The following ELMO1 variants were observed in gnomAD, a reference collection of about 807,000 sequenced individuals.
ELMO1 encodes engulfment and cell motility protein 1.
A neutral mutation model predicts 98.9 loss-of-function variants in ELMO1; 26 were observed. The ratio of observed to expected loss-of-function variants is 0.26; its 90% CI spans 0.19 to 0.36. The LOEUF (loss-of-function observed/expected upper bound fraction) is 0.36. Among genes scored for constraint, ELMO1 ranks in the 10% least tolerant of loss-of-function variants. The pLI is 1.00. For missense variants in ELMO1, 627 were observed against 935.2 expected (o/e 0.67, Z 4.30); for synonymous variants, 346 against 346.0 (o/e 1.00, Z 0.00).
intron 21 of ELMO1, among the ~76,000 whole-genome samples, chr7:36,857,762 C>T (rs1414724434): frequency 2.6e-5 from 4 of 152,178 alleles, no homozygotes; most frequent in Non-Finnish European, 4.4e-5. Context: ...ACCACTGCAT[C>T]GTGGTGTGCA....
At chr7:36,987,960 G>A (rs1791627786) in intron 16 of ELMO1, among the ~76,000 whole-genome samples, 1 of 152,328 alleles carries the variant, frequency 6.6e-6, no homozygotes, top group African/African-American at 2.4e-5. Flanking sequence ...GTTTCACCAT[G>A]TTGGACAGGC....
chr7:37,314,792 C>T (rs1799068545), intron 4 of ELMO1, 58 bp downstream of exon 4: 1 of 1,516,058 alleles, frequency 6.6e-7, no homozygotes, highest in Non-Finnish European at 9.1e-7. Flanking sequence ...AAGAAAACAT[C>T]ATCATGATTT....
intron 20 of ELMO1, among the ~76,000 whole-genome samples, chr7:36,862,869 G>A (rs1391496672): frequency 6.6e-6 from 1 of 152,144 alleles, no homozygotes; most frequent in East Asian, 1.9e-4. Flanking sequence ...CTTAATATCT[G>A]TTAGAGGGTT....
chr7:36,876,332 A>G (rs1584289673), intron 19 of ELMO1, among the ~76,000 whole-genome samples: 1 of 151,370 alleles, frequency 6.6e-6, no homozygotes, highest in South Asian at 2.1e-4. Flanking sequence ...TTTTCTTGTA[A>G]TCGAGGGTCC....
chr7:36,883,348 G>T (rs1252342334), intron 18 of ELMO1, among the ~76,000 whole-genome samples: 1 of 152,200 alleles, frequency 6.6e-6, no homozygotes, highest in African/African-American at 2.4e-5. Flanking sequence ...AAATACAAGA[G>T]AAGTAGGGGG....
intron 2 of ELMO1, among the ~76,000 whole-genome samples, chr7:37,337,523 TAAAAA>T (rs57584545): frequency 1.5e-5 from 2 of 132,654 alleles, no homozygotes; most frequent in Non-Finnish European, 1.6e-5. Context: ...ACTTAAAGTA[TAAAAA>T]AAAAAAAAAA....
At chr7:37,171,929 G>A (rs1308588845) in intron 13 of ELMO1, among the ~76,000 whole-genome samples, 1 of 152,086 alleles carries the variant, frequency 6.6e-6, no homozygotes, top group Non-Finnish European at 1.5e-5. Flanking sequence ...TCACCAAGTT[G>A]GGTCTTTTGT....
intron 14 of ELMO1, among the ~76,000 whole-genome samples, chr7:37,108,259 A>C (rs1183154917): frequency 6.6e-6 from 1 of 152,148 alleles, no homozygotes; most frequent in African/African-American, 2.4e-5. Context: ...TCCCTCTGGT[A>C]CAGCTCTCCT....
At chr7:37,428,834 A>G (rs1455727418) in intron 1 of ELMO1, among the ~76,000 whole-genome samples, 3 of 152,208 alleles carry the variant, frequency 2.0e-5, no homozygotes, top group Non-Finnish European at 4.4e-5. Context: ...GCCTTTCTCT[A>G]TTTTCATCAA....
intron 16 of ELMO1, among the ~76,000 whole-genome samples, chr7:36,968,148 C>CT (rs1257288393): frequency 6.6e-6 from 1 of 151,878 alleles, no homozygotes; most frequent in Non-Finnish European, 1.5e-5. Flanking sequence ...TAATTCCATG[C>CT]TTTTTTTTCT....
rs780136229 is a variant in ELMO1 at position 37,294,466 on chromosome 7, A to G, written c.192+20384T>C. Among the ~76,000 whole-genome samples, 131 of 152,176 alleles carry G rather than the reference A, an allele frequency of 8.6e-4. 2 individuals carry two copies. Among genetic ancestry groups the G allele is most frequent in the Non-Finnish European group, 1.4e-3 (97 of 68,026 alleles). ...CAGGGTGACGGGAATAGAAAAGCTG[A>G]TAATTGCGGGTGGGACTGCAAGCTA... is the stretch of plus-strand genomic sequence containing the variant. On this transcript the variant is annotated intron_variant, in intron 4 of 21. Transcript: ENST00000310758.
rs150320656 is a variant in ELMO1, at chr7:37,388,720, T to C, written c.-73-45957A>G. Among the ~76,000 whole-genome samples, 516 of 152,134 alleles carry C rather than the reference T, an allele frequency of 3.4e-3. 1 individual carries two copies. The highest frequency in any genetic ancestry group is 0.012 in the African/African-American group (502 of 41,526). On this transcript the variant is annotated intron_variant, in intron 1 of 21. Coordinates refer to ENST00000310758, the MANE Select transcript of ELMO1 (RefSeq NM_014800.11). ...GGAGGCTGAGGTAGGAGGAGATCTC[T>C]TGAGCCCAGGAGATAGAGGTTACAG...
chr7:36,999,737 A>G (rs1792501013), intron 16 of ELMO1, among the ~76,000 whole-genome samples: 1 of 152,182 alleles, frequency 6.6e-6, no homozygotes. Context: ...AAAACAGTCC[A>G]ATACTGGCAG....
intron 4 of ELMO1, among the ~76,000 whole-genome samples, chr7:37,284,050 C>T (rs932868175): frequency 2.0e-5 from 3 of 152,132 alleles, no homozygotes; most frequent in Non-Finnish European, 4.4e-5. Flanking sequence ...TTAATAAAAC[C>T]TCTCGTGGGA....
intron 2 of ELMO1, among the ~76,000 whole-genome samples, chr7:37,316,239 T>C (rs949354226): frequency 2.1e-4 from 32 of 152,140 alleles, no homozygotes; most frequent in African/African-American, 7.7e-4. Flanking sequence ...CACACTGAAA[T>C]TAGGGTGAAA....
intron 16 of ELMO1, among the ~76,000 whole-genome samples, chr7:36,899,373 C>T (rs1806305755): frequency 6.6e-6 from 1 of 151,964 alleles, no homozygotes; most frequent in African/African-American, 2.4e-5. Flanking sequence ...ATGGCTGAGA[C>T]AACATTTTGC....
intron 16 of ELMO1, among the ~76,000 whole-genome samples, chr7:36,902,801 G>A (rs1783675778): frequency 6.6e-6 from 1 of 152,122 alleles, no homozygotes; most frequent in East Asian, 1.9e-4. Context: ...TCTGCTCTGA[G>A]GATCAGAGTT....
intron 4 of ELMO1, among the ~76,000 whole-genome samples, chr7:37,312,655 T>C (rs986440522): frequency 6.6e-6 from 1 of 152,150 alleles, no homozygotes; most frequent in Non-Finnish European, 1.5e-5. Flanking sequence ...ATGTTCTCTA[T>C]GAAGTCTGAG....
intron 2 of ELMO1, among the ~76,000 whole-genome samples, chr7:37,318,194 C>T (rs1034985916): frequency 6.6e-6 from 1 of 152,098 alleles, no homozygotes; most frequent in East Asian, 1.9e-4. Context: ...CAAATGTGTT[C>T]GCTCAACCAA....
Sources: allele counts gnomAD v4.1 joint callset (sites outside exome capture counted in the v4.1 genomes callset), GRCh38; gene constraint gnomAD v4.1.1; transcripts MANE v1.5; gene names NCBI Gene and HGNC (gene_info 2026-07-23, HGNC 2026-07-21).